The following AP3B2 variants were observed in gnomAD, a reference collection of about 807,000 sequenced individuals.
The protein encoded by AP3B2 is AP-3 complex subunit beta-2.
In AP3B2, 50 loss-of-function variants were observed where a neutral mutation model predicts 126.9. The ratio of observed to expected loss-of-function variants is 0.39; its 90% CI spans 0.31 to 0.50. The LOEUF (loss-of-function observed/expected upper bound fraction) is 0.50, where lower values mean the gene tolerates loss of function less well. AP3B2 is among the 20% of genes least tolerant of loss of function. AP3B2 has a pLI of 0.79. For synonymous variants in AP3B2, 541 were observed against 565.0 expected (o/e 0.96, Z 0.60); for missense variants, 1,177 against 1,426.4 (o/e 0.83, Z 2.82).
chr15:82,678,068 C>T, intron 11 of AP3B2, 37 bp downstream of exon 11: 4 of 1,607,282 alleles, frequency 2.5e-6, no homozygotes, highest in Non-Finnish European at 3.4e-6. Context: ...TGATGGGCCC[C>T]TCTCCCAGGC....
At chr15:82,688,460 C>T (rs1254961836) in intron 4 of AP3B2, 2 of 702,300 alleles carry the variant, frequency 2.8e-6, no homozygotes, top group South Asian at 1.5e-5. Context: ...TCCGGGGGCT[C>T]AAGTGGTTCA....
In AP3B2 at chr15:82,678,118, A is replaced by C; in HGVS notation, c.1232T>G (p.Leu411Arg). The C allele has an allele frequency of 6.2e-7, 1 of 1,613,888 alleles. No individual in the cohort carries two copies. The highest frequency in any genetic ancestry group is 8.5e-7 in the Non-Finnish European group (1 of 1,179,852). The change falls in exon 11 of 27, where the codon CTA becomes CGA. Residue 411 changes from leucine to arginine, a missense_variant. Around this residue, in one of 5 missense-constraint regions of AP3B2, gnomAD observed 308 missense variants for 452.4 expected, o/e 0.68. Transcript: ENST00000535359. ...LANETNIPTVLREFQTYIRSM... is the reference protein window; with the variant it reads ...LANETNIPTVRREFQTYIRSM... Reference sequence around the variant, plus strand: ...GCTGGCCTGTACCTGGAATTCCCGTAGGACAGTAGGAATGTTGGTCTCATT... The same window carrying C: ...GCTGGCCTGTACCTGGAATTCCCGTCGGACAGTAGGAATGTTGGTCTCATT...
chr15:82,685,232 T>G (rs2048406358), intron 4 of AP3B2: 1 of 152,244 alleles, frequency 6.6e-6, no homozygotes, highest in South Asian at 2.1e-4. Context: ...ATTACCAGAA[T>G]GTGACAGAGG....
At chr15:82,674,551 G>C (rs1049190576) in intron 14 of AP3B2, among the ~76,000 whole-genome samples, 1 of 152,206 alleles carries the variant, frequency 6.6e-6, no homozygotes, top group Non-Finnish European at 1.5e-5. Context: ...GATGACAGCT[G>C]TTACTGCTGT....
intron 1 of AP3B2, among the ~76,000 whole-genome samples, chr15:82,691,444 T>C (rs987743553): frequency 1.3e-5 from 2 of 152,302 alleles, no homozygotes; most frequent in East Asian, 1.9e-4. Flanking sequence ...TTGATCTCCA[T>C]AGCAGAGCAA....
intron 1 of AP3B2, among the ~76,000 whole-genome samples, chr15:82,700,641 T>C (rs2048706824): frequency 6.6e-6 from 1 of 151,648 alleles, no homozygotes; most frequent in Non-Finnish European, 1.5e-5. Flanking sequence ...TTAGGTGATA[T>C]GCCTGCCTCA....
chr15:82,670,003 CAAAAAAAA>C (rs964942203), intron 14 of AP3B2, among the ~76,000 whole-genome samples: 3 of 11,132 alleles, frequency 2.7e-4, no homozygotes, highest in African/African-American at 7.2e-4. Flanking sequence ...AACTCCATCT[CAAAAAAAA>C]AAAAAAAAAA....
intron 14 of AP3B2, among the ~76,000 whole-genome samples, chr15:82,675,577 C>T (rs1165857711): frequency 2.0e-5 from 3 of 152,190 alleles, no homozygotes; most frequent in African/African-American, 4.8e-5. Context: ...TTGGCAGAGT[C>T]TTTTTATAAA....
At chr15:82,691,905 G>A in intron 1 of AP3B2, 1 of 1,271,808 alleles carries the variant, frequency 7.9e-7, no homozygotes, top group Non-Finnish European at 1.1e-6. Flanking sequence ...AATTTATGCA[G>A]GGCATATTCC....
At position 82,665,572 on chromosome 15, in the gene AP3B2, C is replaced by A; in HGVS notation, c.1856G>T (p.Arg619Leu). Residue 619 changes from arginine to leucine, a missense_variant, in exon 16 of 27, where the codon CGG becomes CTG. Transcript: ENST00000535359. The surrounding 1 kb of genome is among the most constrained non-coding windows in gnomAD (Gnocchi z 4.4). Reference protein sequence around the residue: ...APVLESSFKDRDHFQLGSLSH... With the variant: ...APVLESSFKDLDHFQLGSLSH... Reference sequence around the variant, plus strand: ...CAGTGAGCCCAGCTGGAAGTGGTCCCGGTCTAGGGATAGGTTTAGAGGTCA... The same window carrying A: ...CAGTGAGCCCAGCTGGAAGTGGTCCAGGTCTAGGGATAGGTTTAGAGGTCA... 1 of 1,612,344 alleles carries A rather than the reference C, an allele frequency of 6.2e-7. No homozygotes were observed. The highest frequency in any genetic ancestry group is 1.1e-5 in the South Asian group (1 of 90,970).
At chr15:82,688,610 A>T (rs1201146696) in intron 4 of AP3B2, 126 bp downstream of exon 4, 1 of 895,986 alleles carries the variant, frequency 1.1e-6, no homozygotes, top group East Asian at 2.6e-5. Context: ...TGACCCTCCC[A>T]ATTTTAGGCA....
In AP3B2 at chr15:82,661,830, TC is replaced by T; in HGVS notation, c.3010del (p.Glu1004AsnfsTer5). The T allele has an allele frequency of 6.2e-7, 1 of 1,612,498 alleles. No homozygotes were observed. Among genetic ancestry groups the T allele is most frequent in the Non-Finnish European group, 8.5e-7 (1 of 1,179,242 alleles). On this transcript the variant is annotated frameshift_variant, in exon 25 of 27. Transcript: ENST00000535359. LOFTEE classifies it high-confidence loss of function. The part of the protein sequence containing the change: ...VFMSENEFKK[E>X]QGKLMGMNEI... ...CACTCCCAGGGAGCACTCACCCTGT[TC>T]CTTCTTAAACTCATTTTCACTCATG... is the stretch of plus-strand genomic sequence containing the variant.
At chr15:82,668,860 G>A (rs976236758) in intron 14 of AP3B2, among the ~76,000 whole-genome samples, 4 of 152,232 alleles carry the variant, frequency 2.6e-5, no homozygotes, top group African/African-American at 9.6e-5. Context: ...AGTTGTCAGA[G>A]AGGAATTTTA....
intron 14 of AP3B2, 142 bp from the exon 15 acceptor site, chr15:82,667,075 C>T (rs781021224): frequency 7.7e-6 from 6 of 775,822 alleles, no homozygotes; most frequent in Non-Finnish European, 1.2e-5. Context: ...AGCTGTCCCT[C>T]CCCACCTGCC....
intron 1 of AP3B2, chr15:82,699,854 G>C (rs984452137): frequency 2.5e-6 from 1 of 399,640 alleles, no homozygotes; most frequent in Non-Finnish European, 4.4e-6. Context: ...ACGGCCCCCG[G>C]GAGCTGCAGG....
At chr15:82,700,512 C>T (rs539088097) in intron 1 of AP3B2, among the ~76,000 whole-genome samples, 36 of 150,014 alleles carry the variant, frequency 2.4e-4, no homozygotes, top group Non-Finnish European at 5.0e-4. Flanking sequence ...AATTCTCCTG[C>T]CTCAGCCTCC....
rs756112219 is a variant in AP3B2 at position 82,659,654 on chromosome 15, C to T, written c.3212G>A (p.Arg1071Gln). 19 of 1,613,786 alleles carry T rather than the reference C, an allele frequency of 1.2e-5. No individual in the cohort carries two copies. The highest frequency in any genetic ancestry group is 1.4e-5 in the Non-Finnish European group (17 of 1,179,870). Reference protein sequence around the residue: ...GSLVLLTLDARPAGAAQLTVN... With the variant: ...GSLVLLTLDAQPAGAAQLTVN... ...AGTCAGCTGGGCAGCTCCAGCTGGC[C>T]GGGCATCCAGGGTCAGCAGAACGAG... is the stretch of plus-strand genomic sequence containing the variant. The change falls in exon 27 of 27, where the codon CGG becomes CAG. Residue 1071 changes from arginine (R) to glutamine (Q), a missense_variant. This residue lies in a region of AP3B2 where 587 missense variants were observed against 571.3 expected (regional missense o/e 1.03). Coordinates refer to ENST00000535359, the MANE Select transcript of AP3B2 (RefSeq NM_001278512.2).
rs1422351355 is a variant in AP3B2, at chr15:82,688,804, C to G, written c.292G>C (p.Val98Leu). The change falls in exon 4 of 27, where the codon GTA becomes CTA. Residue 98 changes from valine to leucine, a missense_variant. By Grantham distance (32) the Val-to-Leu change is conservative. Around this residue, in one of 5 missense-constraint regions of AP3B2, gnomAD observed 130 missense variants for 262.0 expected, o/e 0.50. Transcript: ENST00000535359. ...EVKKLVYVYL[V>L]RYAEEQQDLA... ...TCTTGCTGCTCCTCAGCGTAGCGTA[C>G]CAGGTACACATAGACAAGCTTCTTC... 1.2e-6 allele frequency: 2 copies of G among 1,612,826 alleles called. No homozygotes were observed. The highest frequency in any genetic ancestry group is 1.7e-5 in the Admixed American group (1 of 59,822).
At position 82,678,098 on chromosome 15, in the gene AP3B2, C is replaced by A. The variant is rs1596179693; in HGVS notation, c.1245+7G>T. The A allele has an allele frequency of 6.2e-7, 1 of 1,613,648 alleles. No individual in the cohort carries two copies. Among genetic ancestry groups the A allele is most frequent in the Non-Finnish European group, 8.5e-7 (1 of 1,179,786 alleles). ...CCAGGCCCTTCTGGCTGGGAGCTGG[C>A]CTGTACCTGGAATTCCCGTAGGACA... On this transcript the variant is annotated splice_region_variant and intron_variant, in intron 11 of 26. Coordinates refer to ENST00000535359, the MANE Select transcript of AP3B2 (RefSeq NM_001278512.2).
Sources: gnomAD v4.1 joint callset for allele counts (sites outside exome capture counted in the v4.1 genomes callset) on GRCh38, gnomAD v4.1.1 for gene constraint, gnomAD v4.1.1 regional missense constraint, Gnocchi (gnomAD v3.1) non-coding constraint, MANE v1.5 for transcripts, NCBI Gene and HGNC (gene_info 2026-07-23, HGNC 2026-07-21) for gene names.